PDXK: variants seen among roughly 807,000 people sequenced by gnomAD.
The protein encoded by PDXK is pyridoxal kinase.
A neutral mutation model predicts 43.2 loss-of-function variants in PDXK; 15 were observed. The observed-to-expected ratio is 0.35, with a 90% CI of 0.23 to 0.53. The LOEUF is 0.53. Among genes scored for constraint, PDXK ranks in the 20% least tolerant of loss-of-function variants. The pLI is 0.92. For synonymous variants in PDXK, 172 were observed against 165.4 expected (o/e 1.04, Z -0.31); for missense variants, 343 against 417.0 (o/e 0.82, Z 1.54).
Position 43,745,692 on chromosome 21 carries a change from T to TA in PDXK, c.332-381dup, listed in dbSNP as rs2083627145. ...AGATACCTACTTCAACTTGGCAGCT[T>TA]AAAAAACAAGAAAAAAGAAAAAAGC... On this transcript the variant is annotated intron_variant, in intron 4 of 10. Transcript: ENST00000291565. 1.5e-5 allele frequency: 3 copies of TA among 194,554 alleles called. No individual in the cohort carries two copies. The South Asian group carries it at 3.8e-4, about 24-fold the overall frequency. The allele number at this position is 194,554 out of a possible 1,614,324, so 12.1% of individuals were successfully genotyped here.
chr21:43,727,285 A>C (rs1676615314), intron 1 of PDXK, among the ~76,000 whole-genome samples: 1 of 152,208 alleles, frequency 6.6e-6, no homozygotes, highest in Admixed American at 6.5e-5. Flanking sequence ...GGAACTTCTC[A>C]AGGAGAAAGG....
intron 1 of PDXK, among the ~76,000 whole-genome samples, chr21:43,724,749 G>A (rs2083237227): frequency 1.3e-5 from 2 of 151,848 alleles, no homozygotes; most frequent in South Asian, 4.2e-4. Context: ...GGTGAAGTGG[G>A]AGGATCACCT....
intron 1 of PDXK, among the ~76,000 whole-genome samples, chr21:43,722,854 T>C (rs183705279): frequency 2.1e-3 from 323 of 152,330 alleles, no homozygotes; most frequent in African/African-American, 7.6e-3. Flanking sequence ...TTTCTTTTTT[T>C]TGAGACGGAG....
chr21:43,761,100 C>T lies in PDXK; in HGVS notation c.*5037C>T, dbSNP rs989236550. On this transcript the variant is annotated 3_prime_UTR_variant, in exon 11 of 11. Coordinates refer to ENST00000291565, the MANE Select transcript of PDXK (RefSeq NM_003681.5). ...TTTCTTTCGATTCTGGCAGAATAAA[C>T]AGGTGTTTTTAGTTTTCCCACTGTC... is the stretch of plus-strand genomic sequence containing the variant. The T allele has an allele frequency of 1.3e-5, 2 of 152,118 alleles. No individual in the cohort carries two copies. The highest frequency in any genetic ancestry group is 4.8e-5 in the African/African-American group (2 of 41,422). 9.4% of individuals were successfully genotyped at this position (152,118 alleles called of 1,614,324 possible). A position where few individuals can be genotyped will look rare whatever the true frequency, so the allele number is the denominator to read the frequency against.
chr21:43,741,784 G>A lies in PDXK; in HGVS notation c.247+13G>A, dbSNP rs200987559. On this transcript the variant is annotated intron_variant, in intron 3 of 10. Coordinates refer to ENST00000291565, the MANE Select transcript of PDXK (RefSeq NM_003681.5). The stretch of plus-strand genomic sequence containing the variant: ...TACGTGCTCACAGGTAGGTGCCGGA[G>A]CAAGCTGCCGCAGGGGACTACGCAC... 8.4e-6 allele frequency: 13 copies of A among 1,546,662 alleles called. No homozygotes were observed. In the African/African-American group the frequency reaches 9.5e-5, roughly 11 times the overall value.
At position 43,746,202 on chromosome 21, in the gene PDXK, T is replaced by G. The variant is rs918197756; in HGVS notation, c.378+77T>G. Reference sequence around the variant, plus strand: ...TGTCCAGCCAGAAGACAGGCCCACATCTCTAAGTGTCTAACTCGGTGGGAC... The same window carrying G: ...TGTCCAGCCAGAAGACAGGCCCACAGCTCTAAGTGTCTAACTCGGTGGGAC... On this transcript the variant is annotated intron_variant, in intron 5 of 10. Transcript: ENST00000291565. 3.6e-5 allele frequency: 41 copies of G among 1,125,646 alleles called. No homozygotes were observed. The South Asian group carries it at 5.1e-4, about 14-fold the overall frequency. 69.7% of individuals were successfully genotyped at this position (1,125,646 alleles called of 1,614,324 possible).
chr21:43,725,776 C>G (rs990640445), intron 1 of PDXK, among the ~76,000 whole-genome samples: 5 of 152,006 alleles, frequency 3.3e-5, no homozygotes, highest in African/African-American at 1.2e-4. Context: ...CACCACTGCA[C>G]TCCAGCCCCT....
chr21:43,737,204 T>C lies in PDXK; in HGVS notation c.142+3081T>C. The C allele has an allele frequency of 6.9e-7, 1 of 1,439,550 alleles. No individual in the cohort carries two copies. Among genetic ancestry groups the C allele is most frequent in the East Asian group, 2.5e-5 (1 of 39,778 alleles). 89.2% of individuals were successfully genotyped at this position (1,439,550 alleles called of 1,614,324 possible). A position where few individuals can be genotyped will look rare whatever the true frequency, so the allele number is the denominator to read the frequency against. ...CACGGGTGTTCCACACAAGCTGCGTTGTTGGTTCCCTGACGCCCTTCAGGC... is the reference window on the plus strand; with the variant it reads ...CACGGGTGTTCCACACAAGCTGCGTCGTTGGTTCCCTGACGCCCTTCAGGC... On this transcript the variant is annotated intron_variant, in intron 2 of 10. Coordinates refer to ENST00000291565, the MANE Select transcript of PDXK (RefSeq NM_003681.5). The surrounding 1 kb of genome is among the most constrained non-coding windows in gnomAD (Gnocchi z 4.8).
At position 43,735,164 on chromosome 21, in the gene PDXK, G is replaced by C. The variant is rs977759714; in HGVS notation, c.142+1041G>C. ...TTGCTTGCGGGGCACACTGGGTGCT[G>C]TGAGATTTGGAGACGTCCCCGAAGA... On this transcript the variant is annotated intron_variant, in intron 2 of 10. Transcript: ENST00000291565. This position sits in a 1 kb window ranked among gnomAD's most constrained non-coding sequence, Gnocchi z 5.3. 2.6e-5 allele frequency among the ~76,000 whole-genome samples: 4 copies of C among 152,248 alleles called. No homozygotes were observed. Among genetic ancestry groups the C allele is most frequent in the African/African-American group, 7.2e-5 (3 of 41,462 alleles).
chr21:43,753,450 C>T, intron 8 of PDXK, 133 bp from the exon 9 acceptor site: 1 of 824,532 alleles, frequency 1.2e-6, no homozygotes, highest in Non-Finnish European at 1.8e-6. Context: ...GCCCCCACGT[C>T]CTGAGCAAGG....
Position 43,749,067 on chromosome 21 carries a change from C to A in PDXK, c.451C>A (p.Gln151Lys). The A allele has an allele frequency of 6.2e-7, 1 of 1,600,768 alleles. No individual in the cohort carries two copies. The highest frequency in any genetic ancestry group is 8.6e-7 in the Non-Finnish European group (1 of 1,168,930). The stretch of plus-strand genomic sequence containing the variant: ...GCTTGCAGACATTATCACGCCCAAC[C>A]AGTTTGAGGCCGAGTAAGTCATTTT... ...VPLADIITPN[Q>K]FEAELLSGRK... The change falls in exon 6 of 11, where the codon CAG becomes AAG. Residue 151 changes from glutamine (Q) to lysine (K), a missense_variant. Gln to Lys is a moderately conservative substitution (Grantham distance 53). Coordinates refer to ENST00000291565, the MANE Select transcript of PDXK (RefSeq NM_003681.5).
At chr21:43,753,276 GCA>G (rs1230749713) in intron 8 of PDXK, among the ~76,000 whole-genome samples, 2 of 152,102 alleles carry the variant, frequency 1.3e-5, no homozygotes, top group African/African-American at 2.4e-5. Flanking sequence ...GCACACACAT[GCA>G]CACACACTCG....
rs909350054 is a variant in PDXK at position 43,754,793 on chromosome 21, C to T, written c.760-905C>T. On this transcript the variant is annotated intron_variant, in intron 9 of 10. Transcript: ENST00000291565. This position sits in a 1 kb window ranked among gnomAD's most constrained non-coding sequence, Gnocchi z 5.5. ...CTGCAGGTGGCTCTCCCTGTGCTGT[C>T]TTTGCCGGGCCGCTTAAGGGGCCAC... Among the ~76,000 whole-genome samples the T allele has an allele frequency of 1.3e-5, 2 of 152,146 alleles. No homozygotes were observed. The highest frequency in any genetic ancestry group is 4.8e-5 in the African/African-American group (2 of 41,428).
At chr21:43,725,958 C>CA (rs1312785196) in intron 1 of PDXK, among the ~76,000 whole-genome samples, 2 of 152,196 alleles carry the variant, frequency 1.3e-5, no homozygotes, top group Non-Finnish European at 2.9e-5. Context: ...GGAACGTTCC[C>CA]ACGTGCTCTC....
chr21:43,749,612 C>G (rs1249514176), intron 6 of PDXK, among the ~76,000 whole-genome samples: 1 of 152,208 alleles, frequency 6.6e-6, no homozygotes, highest in Non-Finnish European at 1.5e-5. Context: ...CCCTGCCCAC[C>G]TGGGTCCCAG....
chr21:43,736,902 G>A (rs1038961650), intron 2 of PDXK: 9 of 699,338 alleles, frequency 1.3e-5, no homozygotes, highest in Non-Finnish European at 2.3e-5. Flanking sequence ...CCAAAGTGCT[G>A]GGATTACAGG....
intron 7 of PDXK, among the ~76,000 whole-genome samples, chr21:43,752,134 C>T (rs988074893): frequency 4.6e-5 from 7 of 151,966 alleles, no homozygotes; most frequent in Non-Finnish European, 1.0e-4. Flanking sequence ...TGTGCGCGCG[C>T]GTGCTGCCCG....
At chr21:43,736,440 A>G (rs1375949005) in intron 2 of PDXK, among the ~76,000 whole-genome samples, 1 of 151,864 alleles carries the variant, frequency 6.6e-6, no homozygotes, top group Non-Finnish European at 1.5e-5. Context: ...CCGTGCGGAC[A>G]CTCGGGCCGT....
chr21:43,748,895 G>C (rs1163006045), intron 5 of PDXK, 100 bp from the exon 6 acceptor site: 1 of 720,180 alleles, frequency 1.4e-6, no homozygotes, highest in African/African-American at 1.8e-5. Context: ...ACTTCAGGGG[G>C]CTTTTGGGGG....
Sources: allele counts gnomAD v4.1 joint callset (sites outside exome capture counted in the v4.1 genomes callset), GRCh38; gene constraint gnomAD v4.1.1; non-coding constraint Gnocchi (gnomAD v3.1); transcripts MANE v1.5; gene names NCBI Gene and HGNC (gene_info 2026-07-23, HGNC 2026-07-21).